Variants in AGMO observed in about 807,000 individuals in gnomAD.
AGMO encodes glyceryl-ether monooxygenase.
A neutral mutation model predicts 60.2 loss-of-function variants in AGMO; 75 were observed. That is an observed-to-expected ratio of 1.25 (90% CI 1.03 to 1.51). The LOEUF (loss-of-function observed/expected upper bound fraction) is 1.51. Among genes scored for constraint, AGMO ranks in the 40% most tolerant of loss-of-function variants. The pLI is 0.00. For missense variants in AGMO, 763 were observed against 525.5 expected, an observed-to-expected ratio of 1.45 and a Z score of -4.42; for synonymous variants, 261 against 177.1, an observed-to-expected ratio of 1.47 and a Z score of -3.76.
chr7:15,142,889 C>G, the AGMO span, among the ~76,000 whole-genome samples: 1 of 152,130 alleles, frequency 6.6e-6, no homozygotes, highest in African/African-American at 2.4e-5. Flanking sequence ...CAGTTGTTAT[C>G]GCATTTAATC....
chr7:15,167,968 C>A, the AGMO span, among the ~76,000 whole-genome samples: 1 of 152,180 alleles, frequency 6.6e-6, no homozygotes, highest in African/African-American at 2.4e-5. Flanking sequence ...AAATGCTAGA[C>A]CTTGGTGAAC....
chr7:15,199,100 G>A (rs114039528), downstream of AGMO, among the ~76,000 whole-genome samples: 1,692 of 152,274 alleles, frequency 0.011, 45 homozygotes, highest in African/African-American at 0.04. Flanking sequence ...GAATAAACAA[G>A]GACACCTTGG....
chr7:15,457,297 C>T (rs930420215), intron 3 of AGMO, among the ~76,000 whole-genome samples: 2 of 152,122 alleles, frequency 1.3e-5, no homozygotes, highest in African/African-American at 4.8e-5. Context: ...TTTAGAAATA[C>T]ATGACATTCA....
chr7:15,427,676 TTTA>T (rs1431779376), intron 4 of AGMO, among the ~76,000 whole-genome samples: 16 of 151,054 alleles, frequency 1.1e-4, no homozygotes, highest in African/African-American at 2.2e-4. Context: ...TTAAACACAT[TTTA>T]TTATTATCAT....
intron 3 of AGMO, among the ~76,000 whole-genome samples, chr7:15,544,226 G>A (rs1052349785): frequency 6.6e-6 from 1 of 151,618 alleles, no homozygotes. Flanking sequence ...GGGGGAGAGG[G>A]TGGGGGTGGC....
At chr7:15,244,290 T>G (rs1411710065) in intron 12 of AGMO, among the ~76,000 whole-genome samples, 2 of 152,228 alleles carry the variant, frequency 1.3e-5, no homozygotes, top group Non-Finnish European at 2.9e-5. Flanking sequence ...CAAAATATAT[T>G]TGAATATATA....
At chr7:15,406,057 G>C (rs1784676552) in intron 5 of AGMO, among the ~76,000 whole-genome samples, 1 of 151,682 alleles carries the variant, frequency 6.6e-6, no homozygotes, top group Admixed American at 6.6e-5. Flanking sequence ...ATTTTAGACA[G>C]TCCAGCTTCA....
chr7:15,143,605 A>T, the AGMO span, among the ~76,000 whole-genome samples: 1 of 152,152 alleles, frequency 6.6e-6, no homozygotes, highest in Non-Finnish European at 1.5e-5. Context: ...ATATTCAGAA[A>T]TATTTAAAAA....
chr7:15,482,648 T>C (rs1378401775), intron 3 of AGMO, among the ~76,000 whole-genome samples: 1 of 152,172 alleles, frequency 6.6e-6, no homozygotes, highest in Non-Finnish European at 1.5e-5. Flanking sequence ...GTGCTGATAC[T>C]AGCATTTCTT....
chr7:15,281,770 C>T (rs918101305), intron 12 of AGMO, among the ~76,000 whole-genome samples: 1 of 152,114 alleles, frequency 6.6e-6, no homozygotes, highest in African/African-American at 2.4e-5. Flanking sequence ...ACTATTCAAC[C>T]CAGTAAATAA....
chr7:15,174,522 A>T, the AGMO span, among the ~76,000 whole-genome samples: 1 of 152,092 alleles, frequency 6.6e-6, no homozygotes, highest in Non-Finnish European at 1.5e-5. Context: ...AAGCTCTCCA[A>T]CCCAGCTCAG....
chr7:15,469,717 GTGA>G (rs1314143562), intron 3 of AGMO, among the ~76,000 whole-genome samples: 21 of 152,154 alleles, frequency 1.4e-4, no homozygotes, highest in Admixed American at 1.4e-3. Flanking sequence ...TTATGAGATG[GTGA>G]TGATATTAAA....
the AGMO span, among the ~76,000 whole-genome samples, chr7:15,184,571 G>GGGAA: frequency 3.0e-5 from 4 of 134,912 alleles, no homozygotes; most frequent in African/African-American, 1.1e-4. Context: ...GAGGGAGGGA[G>GGGAA]GGAAGGAAGG....
At chr7:15,267,777 C>A (rs777169077) in intron 12 of AGMO, among the ~76,000 whole-genome samples, 49 of 151,956 alleles carry the variant, frequency 3.2e-4, no homozygotes, top group Non-Finnish European at 6.0e-4. Flanking sequence ...AAACTTGTAA[C>A]AAAATGGAAA....
At chr7:15,540,041 TAA>T (rs899041711) in intron 3 of AGMO, among the ~76,000 whole-genome samples, 16 of 151,970 alleles carry the variant, frequency 1.1e-4, no homozygotes, top group African/African-American at 3.9e-4. Flanking sequence ...TATTAACAGG[TAA>T]AGAGGAAGTG....
intron 3 of AGMO, among the ~76,000 whole-genome samples, chr7:15,494,759 G>A (rs753068295): frequency 8.5e-5 from 13 of 152,330 alleles, no homozygotes; most frequent in Middle Eastern, 6.8e-3. Context: ...GCTCCATTTT[G>A]CACAAGCATA....
At chr7:15,380,552 G>A (rs1783637828) in intron 10 of AGMO, among the ~76,000 whole-genome samples, 2 of 152,100 alleles carry the variant, frequency 1.3e-5, no homozygotes, top group African/African-American at 4.8e-5. Flanking sequence ...TTCATGGATA[G>A]CAAGATTCAA....
At chr7:15,156,955 A>T in the AGMO span, among the ~76,000 whole-genome samples, 7 of 151,962 alleles carry the variant, frequency 4.6e-5, no homozygotes, top group African/African-American at 1.2e-4. Flanking sequence ...AAAGTCAGCC[A>T]TCTAATTATT....
At chr7:15,176,159 AG>A in the AGMO span, among the ~76,000 whole-genome samples, 1 of 152,048 alleles carries the variant, frequency 6.6e-6, no homozygotes, top group Non-Finnish European at 1.5e-5. Context: ...ATTTATCAAA[AG>A]CAAAATGAAA....
Sources: allele counts gnomAD v4.1 joint callset (sites outside exome capture counted in the v4.1 genomes callset), GRCh38; gene constraint gnomAD v4.1.1; transcripts MANE v1.5; gene names NCBI Gene and HGNC (gene_info 2026-07-23, HGNC 2026-07-21).